Variants in EIF4E3 observed in about 807,000 individuals in gnomAD.
EIF4E3 encodes eukaryotic translation initiation factor 4E type 3.
EIF4E3 carries 26 observed loss-of-function variants against 31.7 expected under a neutral mutation model. The ratio of observed to expected loss-of-function variants is 0.82; its 90% CI spans 0.60 to 1.14. The LOEUF (loss-of-function observed/expected upper bound fraction) is 1.14. Ranked by LOEUF, EIF4E3 falls within the 50% of genes most tolerant of loss-of-function variation. The probability of loss-of-function intolerance (pLI) is 0.00; values close to 1 mark genes in which losing one functional copy is unlikely to be tolerated. For missense variants in EIF4E3, 304 were observed against 270.9 expected (o/e 1.12, Z -0.86); for synonymous variants, 128 against 107.7 (o/e 1.19, Z -1.17).
chr3:71,663,156 G>A, the EIF4E3 span, among the ~76,000 whole-genome samples: 1 of 152,292 alleles, frequency 6.6e-6, no homozygotes, highest in Admixed American at 6.5e-5. Flanking sequence ...TCCTGCTCCT[G>A]CTTGGAGGTG....
chr3:71,708,390 G>A (rs2049325199), intron 2 of EIF4E3, among the ~76,000 whole-genome samples: 1 of 152,106 alleles, frequency 6.6e-6, no homozygotes, highest in Admixed American at 6.5e-5. Context: ...TCTGCGTGAT[G>A]GTTGTATGTG....
chr3:71,685,663 G>A (rs1044377261), intron 6 of EIF4E3, among the ~76,000 whole-genome samples: 2 of 152,120 alleles, frequency 1.3e-5, no homozygotes, highest in African/African-American at 2.4e-5. Flanking sequence ...AGGCCCAGCC[G>A]GAACTCAGGA....
upstream of EIF4E3, among the ~76,000 whole-genome samples, chr3:71,726,697 G>T (rs911743345): frequency 6.6e-6 from 1 of 152,182 alleles, no homozygotes; most frequent in Non-Finnish European, 1.5e-5. Context: ...CAGAGTAGAT[G>T]CCCTCCCTAA....
intron 2 of EIF4E3, among the ~76,000 whole-genome samples, chr3:71,701,969 A>G (rs904171238): frequency 1.3e-5 from 2 of 152,146 alleles, no homozygotes; most frequent in African/African-American, 4.8e-5. Context: ...TATTTGTACA[A>G]ATAAGATTAT....
chr3:71,754,321 G>A (rs1338102230), upstream of EIF4E3: 3 of 1,175,842 alleles, frequency 2.6e-6, no homozygotes, highest in Non-Finnish European at 3.2e-6. This position sits in a 1 kb window ranked among gnomAD's most constrained non-coding sequence, Gnocchi z 5.8. Context: ...GCGCCGCCGG[G>A]CGCGCTGGGC....
chr3:71,703,811 CAAAAAAAAAA>C (rs370789059), intron 2 of EIF4E3, among the ~76,000 whole-genome samples: 5 of 72,472 alleles, frequency 6.9e-5, no homozygotes, highest in Admixed American at 4.4e-4. Context: ...AAACACACAT[CAAAAAAAAAA>C]AAAAAAAAAA....
At chr3:71,723,642 T>C (rs1043558651) in intron 1 of EIF4E3, among the ~76,000 whole-genome samples, 2 of 152,248 alleles carry the variant, frequency 1.3e-5, no homozygotes, top group Admixed American at 6.5e-5. Flanking sequence ...CTCTTGATAC[T>C]GTTTCCACCA....
At chr3:71,715,199 C>T (rs2049446852) in intron 1 of EIF4E3, among the ~76,000 whole-genome samples, 1 of 152,242 alleles carries the variant, frequency 6.6e-6, no homozygotes, top group African/African-American at 2.4e-5. Flanking sequence ...CACGGGACAG[C>T]CCTCACAACA....
chr3:71,669,753 T>C, the EIF4E3 span, among the ~76,000 whole-genome samples: 1 of 152,136 alleles, frequency 6.6e-6, no homozygotes, highest in Non-Finnish European at 1.5e-5. Flanking sequence ...AGGGCTGCTC[T>C]GTCTGGAGTC....
At position 71,678,094 on chromosome 3, in the gene EIF4E3, G is replaced by C. The variant is rs1283023234; in HGVS notation, c.*6588C>G. ...CATGCTAGCAGCGTCACACATATTAGAGGTGTTGGACAGAAACTTTTAATA... is the reference window on the plus strand; with the variant it reads ...CATGCTAGCAGCGTCACACATATTACAGGTGTTGGACAGAAACTTTTAATA... On this transcript the variant is annotated 3_prime_UTR_variant, in exon 7 of 7. Coordinates refer to ENST00000425534, the MANE Select transcript of EIF4E3 (RefSeq NM_001134651.2). 6.6e-6 allele frequency: 1 copy of C among 152,142 alleles called. No homozygotes were observed. The highest frequency in any genetic ancestry group is 2.4e-5 in the African/African-American group (1 of 41,434). The allele number at this position is 152,142 out of a possible 1,614,324, so 9.4% of individuals were successfully genotyped here.
In EIF4E3 at chr3:71,684,067, T is replaced by A. The variant is rs997465631; in HGVS notation, c.*615A>T. 5.9e-5 allele frequency: 9 copies of A among 152,478 alleles called. No homozygotes were observed. The highest frequency in any genetic ancestry group is 1.3e-4 in the Admixed American group (2 of 15,280). 9.4% of individuals were successfully genotyped at this position (152,478 alleles called of 1,614,324 possible). ...TTTTCCTTTTATCACTAAAAAAAAA[T>A]GTTTTAAAAAGGAAAATTAAAGATT... On this transcript the variant is annotated 3_prime_UTR_variant, in exon 7 of 7. Coordinates refer to ENST00000425534, the MANE Select transcript of EIF4E3 (RefSeq NM_001134651.2).
chr3:71,723,221 G>C (rs920374108), intron 1 of EIF4E3, among the ~76,000 whole-genome samples: 11 of 152,138 alleles, frequency 7.2e-5, no homozygotes, highest in African/African-American at 2.7e-4. Flanking sequence ...TGAACTTCTA[G>C]ATCATAATGT....
intron 2 of EIF4E3, among the ~76,000 whole-genome samples, chr3:71,704,575 T>G (rs918831984): frequency 5.3e-5 from 8 of 152,320 alleles, no homozygotes; most frequent in African/African-American, 1.9e-4. Flanking sequence ...AGCTTGAAAT[T>G]GCTAGAAAGC....
Position 71,680,564 on chromosome 3 carries a change from T to C in EIF4E3, c.*4118A>G, listed in dbSNP as rs987210742. The C allele has an allele frequency of 1.3e-5, 2 of 152,176 alleles. No homozygotes were observed. The highest frequency in any genetic ancestry group is 4.8e-5 in the African/African-American group (2 of 41,432). 9.4% of individuals were successfully genotyped at this position (152,176 alleles called of 1,614,324 possible). On this transcript the variant is annotated 3_prime_UTR_variant, in exon 7 of 7. Transcript: ENST00000425534. ...GCCAATCTGAATAAGTATTCTTAGA[T>C]TTGGATGTATATGTAAAAATAATAG...
intron 1 of EIF4E3, among the ~76,000 whole-genome samples, chr3:71,744,739 C>T (rs1039013513): frequency 2.0e-5 from 3 of 152,086 alleles, no homozygotes; most frequent in East Asian, 1.9e-4. Flanking sequence ...AGCGAGACTC[C>T]GTCTCAAAAA....
intron 1 of EIF4E3, among the ~76,000 whole-genome samples, chr3:71,712,895 A>G (rs889881187): frequency 3.4e-5 from 5 of 147,298 alleles, no homozygotes; most frequent in African/African-American, 1.2e-4. Context: ...TTTGCTATAT[A>G]TGGTTCTTTT....
In EIF4E3 at chr3:71,693,940, G is replaced by A. The variant is rs868739510; in HGVS notation, c.407C>T (p.Ser136Phe). ...WKMKVPKDST[S>F]TVWKELLLAT... is the part of the protein sequence containing the mutation. Reference sequence around the variant, plus strand: ...TAACAGCAACTCTTTCCAAACTGTGGACTGATATGGGAAAAGAATAAAAAA... The same window carrying A: ...TAACAGCAACTCTTTCCAAACTGTGAACTGATATGGGAAAAGAATAAAAAA... Residue 136 changes from serine to phenylalanine, a missense_variant and splice_region_variant, in exon 5 of 7, where the codon TCC (serine) becomes TTC (phenylalanine). Coordinates refer to ENST00000425534, the MANE Select transcript of EIF4E3 (RefSeq NM_001134651.2). The A allele has an allele frequency of 1.3e-6, 2 of 1,577,980 alleles. No homozygotes were observed. Among genetic ancestry groups the A allele is most frequent in the Non-Finnish European group, 1.7e-6 (2 of 1,161,758 alleles).
intron 1 of EIF4E3, among the ~76,000 whole-genome samples, chr3:71,748,838 T>C (rs1299268369): frequency 6.6e-6 from 1 of 152,096 alleles, no homozygotes; most frequent in Non-Finnish European, 1.5e-5. Flanking sequence ...CCTCTTTTTT[T>C]CCCCACCAGC....
intron 1 of EIF4E3, among the ~76,000 whole-genome samples, chr3:71,721,345 A>G (rs1162897310): frequency 6.6e-6 from 1 of 152,200 alleles, no homozygotes; most frequent in Non-Finnish European, 1.5e-5. Context: ...CTAGTGGGAG[A>G]AGACAAGCCA....
Sources: gnomAD v4.1 joint callset for allele counts (sites outside exome capture counted in the v4.1 genomes callset) on GRCh38, gnomAD v4.1.1 for gene constraint, Gnocchi (gnomAD v3.1) non-coding constraint, MANE v1.5 for transcripts, NCBI Gene and HGNC (gene_info 2026-07-23, HGNC 2026-07-21) for gene names.